Variants in MBNL1 observed in about 807,000 individuals in gnomAD.
MBNL1 encodes the protein muscleblind like splicing regulator 1.
In MBNL1, 8 loss-of-function variants were observed where a neutral mutation model predicts 42.2. The ratio of observed to expected loss-of-function variants is 0.19; its 90% CI spans 0.11 to 0.34. MBNL1 has a LOEUF of 0.34. MBNL1 is among the 10% of genes least tolerant of loss of function. MBNL1 has a pLI of 1.00. For synonymous variants in MBNL1, 169 were observed against 173.9 expected (o/e 0.97, Z 0.22); for missense variants, 309 against 495.3 (o/e 0.62, Z 3.57).
chr3:152,433,232 A>G (rs946927028), intron 4 of MBNL1, among the ~76,000 whole-genome samples: 10 of 152,264 alleles, frequency 6.6e-5, no homozygotes, highest in African/African-American at 1.9e-4. Context: ...AGTTAGGGGA[A>G]TATCTGGCAC....
intron 2 of MBNL1, among the ~76,000 whole-genome samples, chr3:152,406,537 T>C (rs1022561153): frequency 6.6e-6 from 1 of 152,210 alleles, no homozygotes; most frequent in Non-Finnish European, 1.5e-5. Flanking sequence ...CAGTGGCAGC[T>C]ACTTTGACTC....
upstream of MBNL1, chr3:152,264,300 G>C (rs2036820554): frequency 6.6e-6 from 1 of 152,078 alleles, no homozygotes. Context: ...GAAATGAATA[G>C]AGTCATTGTG....
chr3:152,282,228 C>A (rs946121661), intron 1 of MBNL1, among the ~76,000 whole-genome samples: 1 of 152,056 alleles, frequency 6.6e-6, no homozygotes, highest in Non-Finnish European at 1.5e-5. Flanking sequence ...TTCTAATATA[C>A]CTATGCAAAT....
chr3:152,379,656 T>G (rs2097093192), intron 2 of MBNL1, among the ~76,000 whole-genome samples: 1 of 152,192 alleles, frequency 6.6e-6, no homozygotes, highest in Non-Finnish European at 1.5e-5. Context: ...CTCAAAAATT[T>G]TCTAAATGAC....
At chr3:152,384,629 T>G (rs577221759) in intron 2 of MBNL1, among the ~76,000 whole-genome samples, 1 of 152,260 alleles carries the variant, frequency 6.6e-6, no homozygotes, top group East Asian at 1.9e-4. Context: ...TGCTGGTTAG[T>G]GACCAAGTCA....
chr3:152,256,800 G>A (rs1476880379), intron 2 of MBNL1, among the ~76,000 whole-genome samples: 2 of 152,128 alleles, frequency 1.3e-5, no homozygotes, highest in Non-Finnish European at 2.9e-5. Flanking sequence ...TCATACTTAA[G>A]AAGTTAATAA....
intron 2 of MBNL1, chr3:152,340,508 A>G (rs2092870627): frequency 6.4e-7 from 1 of 1,566,234 alleles, no homozygotes; most frequent in African/African-American, 1.4e-5. Context: ...TATTAAAAAT[A>G]GTGGAAGTTG....
At chr3:152,373,200 A>G (rs1333135034) in intron 2 of MBNL1, among the ~76,000 whole-genome samples, 2 of 152,352 alleles carry the variant, frequency 1.3e-5, no homozygotes, top group South Asian at 2.1e-4. Context: ...GCTGGCAGCA[A>G]GAATTTCAAG....
intron 2 of MBNL1, among the ~76,000 whole-genome samples, chr3:152,354,509 C>A (rs905759365): frequency 1.3e-5 from 2 of 152,026 alleles, no homozygotes; most frequent in African/African-American, 4.8e-5. Flanking sequence ...AATGAAAGAA[C>A]TACAAAAGAT....
Position 152,366,556 on chromosome 3 carries a change from A to G in MBNL1, c.175-48385A>G, listed in dbSNP as rs550413921. Among the ~76,000 whole-genome samples, 124 of 152,290 alleles carry G rather than the reference A, an allele frequency of 8.1e-4. 1 individual carries two copies. Among genetic ancestry groups the G allele is most frequent in the African/African-American group, 2.8e-3 (118 of 41,574 alleles). The stretch of plus-strand genomic sequence containing the variant: ...AGCTATAATGCTTCACTTACTTTTA[A>G]GTGGTCCATGTTAGAAGATTAATGA... On this transcript the variant is annotated intron_variant, in intron 2 of 9. Transcript: ENST00000324210.
intron 2 of MBNL1, among the ~76,000 whole-genome samples, chr3:152,261,710 C>T (rs1292078128): frequency 6.6e-6 from 1 of 152,142 alleles, no homozygotes; most frequent in East Asian, 1.9e-4. Context: ...GTAAGCTTTC[C>T]ATAATGACAG....
chr3:152,424,456 C>T (rs180973389), intron 3 of MBNL1, among the ~76,000 whole-genome samples: 6 of 151,800 alleles, frequency 4.0e-5, no homozygotes, highest in Admixed American at 2.6e-4. Context: ...ATTCCATGCA[C>T]ATGGATAGAA....
intron 2 of MBNL1, among the ~76,000 whole-genome samples, chr3:152,400,668 TGA>T (rs1185495036): frequency 6.6e-6 from 1 of 152,206 alleles, no homozygotes; most frequent in African/African-American, 2.4e-5. Context: ...TTGCTGGTCT[TGA>T]GACCCTGTCC....
chr3:152,335,322 A>G (rs1023848883), intron 2 of MBNL1: 36 of 1,208,170 alleles, frequency 3.0e-5, no homozygotes, highest in Middle Eastern at 4.4e-4. Flanking sequence ...TCCATGGGAA[A>G]TGGCTTTTGG....
At chr3:152,266,053 G>A (rs1173593139), upstream of MBNL1, 1 of 152,144 alleles carries the variant, frequency 6.6e-6, no homozygotes. Flanking sequence ...TTGTTACAGT[G>A]CTTTAAAATT....
upstream of MBNL1, chr3:152,265,030 G>A (rs530156380): frequency 6.6e-6 from 1 of 152,216 alleles, no homozygotes; most frequent in East Asian, 1.9e-4. Flanking sequence ...CTAAATTCAT[G>A]TAATTCTTTC....
At chr3:152,252,912 A>T (rs1415136582) in intron 2 of MBNL1, among the ~76,000 whole-genome samples, 1 of 152,118 alleles carries the variant, frequency 6.6e-6, no homozygotes, top group Non-Finnish European at 1.5e-5. Context: ...TTCATAACTG[A>T]AAATAAACCC....
chr3:152,372,087 C>T (rs1421560806), intron 2 of MBNL1, among the ~76,000 whole-genome samples: 7 of 152,202 alleles, frequency 4.6e-5, no homozygotes, highest in South Asian at 4.1e-4. Context: ...TCCACTTGAT[C>T]GATTTGGCTA....
intron 2 of MBNL1, among the ~76,000 whole-genome samples, chr3:152,372,089 A>G (rs772293430): frequency 8.6e-5 from 13 of 151,946 alleles, no homozygotes; most frequent in Non-Finnish European, 1.5e-4. Context: ...CACTTGATCG[A>G]TTTGGCTATT....
Sources: allele counts gnomAD v4.1 joint callset (sites outside exome capture counted in the v4.1 genomes callset), GRCh38; gene constraint gnomAD v4.1.1; transcripts MANE v1.5; gene names NCBI Gene and HGNC (gene_info 2026-07-23, HGNC 2026-07-21).